KLHL29: variants seen among roughly 807,000 people sequenced by gnomAD.
The protein encoded by KLHL29 is kelch-like protein 29.
In KLHL29, 21 loss-of-function variants were observed where a neutral mutation model predicts 80.4. The ratio of observed to expected loss-of-function variants is 0.26; its 90% confidence interval spans 0.19 to 0.38. The LOEUF (loss-of-function observed/expected upper bound fraction) is 0.38, where lower values mean the gene tolerates loss of function less well. KLHL29 is among the 10% of genes least tolerant of loss of function. The probability of loss-of-function intolerance (pLI) is 1.00; values close to 1 mark genes in which losing one functional copy is unlikely to be tolerated. For missense variants in KLHL29, 867 were observed against 1,223.9 expected (o/e 0.71, Z 4.35); for synonymous variants, 511 against 526.8 (o/e 0.97, Z 0.41).
At chr2:23,423,245 C>T (rs1037693753) in intron 1 of KLHL29, among the ~76,000 whole-genome samples, 1 of 152,240 alleles carries the variant, frequency 6.6e-6, no homozygotes, top group Non-Finnish European at 1.5e-5. Flanking sequence ...CTGTCCAGGG[C>T]CGGGCTCTGC....
At chr2:23,491,494 G>C (rs1665101303) in intron 2 of KLHL29, among the ~76,000 whole-genome samples, 1 of 152,112 alleles carries the variant, frequency 6.6e-6, no homozygotes, top group South Asian at 2.1e-4. Context: ...GGGGGCTGAG[G>C]GGTATGAATC....
In KLHL29 at chr2:23,648,644, C is replaced by T. The variant is rs562986298; in HGVS notation, c.940+5794C>T. 1.8e-3 allele frequency among the ~76,000 whole-genome samples: 276 copies of T among 152,278 alleles called. 1 individual carries two copies. Among genetic ancestry groups the T allele is most frequent in the Non-Finnish European group, 3.4e-3 (234 of 68,024 alleles). ...CTCCCCTCAGGGGCTTTCAGTATCCCGTGGCATTCAGCTGGATAATCAGGG... is the reference window on the plus strand; with the variant it reads ...CTCCCCTCAGGGGCTTTCAGTATCCTGTGGCATTCAGCTGGATAATCAGGG... On this transcript the variant is annotated intron_variant, in intron 5 of 13. Coordinates refer to ENST00000486442, the MANE Select transcript of KLHL29 (RefSeq NM_052920.2).
intron 2 of KLHL29, among the ~76,000 whole-genome samples, chr2:23,479,864 C>T (rs13404371): frequency 0.28 from 43,006 of 152,126 alleles, 7,330 homozygotes; most frequent in Non-Finnish European, 0.39. Flanking sequence ...TCTACAAGCC[C>T]GGCACAGGGC....
chr2:23,665,056 G>A (rs989231459), intron 5 of KLHL29, among the ~76,000 whole-genome samples: 62 of 152,226 alleles, frequency 4.1e-4, no homozygotes, highest in Non-Finnish European at 1.3e-4. Context: ...GTGGTGACTC[G>A]GGTGGCTGGT....
chr2:23,554,091 C>G (rs763467087), intron 2 of KLHL29, among the ~76,000 whole-genome samples: 1 of 152,192 alleles, frequency 6.6e-6, no homozygotes, highest in Non-Finnish European at 1.5e-5. Flanking sequence ...GCTGGAGCAG[C>G]CCCAGGAGGC....
At chr2:23,538,769 TCTC>T (rs1666750328) in intron 2 of KLHL29, among the ~76,000 whole-genome samples, 1 of 152,186 alleles carries the variant, frequency 6.6e-6, no homozygotes, top group Non-Finnish European at 1.5e-5. Context: ...TTCCACCAGT[TCTC>T]ACTGATCTGG....
At chr2:23,522,738 G>T (rs1429989478) in intron 2 of KLHL29, among the ~76,000 whole-genome samples, 1 of 152,094 alleles carries the variant, frequency 6.6e-6, no homozygotes, top group Non-Finnish European at 1.5e-5. Context: ...CAAGCCCTGA[G>T]TCTGGACCCC....
At chr2:23,551,561 G>A (rs1164132133) in intron 2 of KLHL29, among the ~76,000 whole-genome samples, 1 of 152,210 alleles carries the variant, frequency 6.6e-6, no homozygotes, top group African/African-American at 2.4e-5. Context: ...TTAACCACCA[G>A]AAAAGCATTT....
At chr2:23,673,549 C>T (rs185177526) in intron 5 of KLHL29, among the ~76,000 whole-genome samples, 5 of 151,974 alleles carry the variant, frequency 3.3e-5, no homozygotes, top group East Asian at 1.9e-4. Flanking sequence ...CACATACACA[C>T]GCCCATGCCA....
At chr2:23,591,175 G>A (rs968989253) in intron 3 of KLHL29, among the ~76,000 whole-genome samples, 1 of 152,230 alleles carries the variant, frequency 6.6e-6, no homozygotes, top group Non-Finnish European at 1.5e-5. Flanking sequence ...ATCTGGACAA[G>A]CATGTTGAGG....
chr2:23,647,434 G>T lies in KLHL29; in HGVS notation c.940+4584G>T, dbSNP rs577267681. Among the ~76,000 whole-genome samples, 6 of 152,144 alleles carry T rather than the reference G, an allele frequency of 3.9e-5. No homozygotes were observed. Among genetic ancestry groups the T allele is most frequent in the Non-Finnish European group, 8.8e-5 (6 of 68,030 alleles). On this transcript the variant is annotated intron_variant, in intron 5 of 13. Transcript: ENST00000486442. This position sits in a 1 kb window ranked among gnomAD's most constrained non-coding sequence, Gnocchi z 4.9. The stretch of plus-strand genomic sequence containing the variant: ...AAATGCCAACATGAATTCATTCAGG[G>T]TTCAGACTCAAGGCCTGCGTTGTCT...
intron 2 of KLHL29, among the ~76,000 whole-genome samples, chr2:23,480,360 G>A (rs934028309): frequency 1.3e-5 from 2 of 152,132 alleles, no homozygotes; most frequent in Non-Finnish European, 2.9e-5. Context: ...GGTGACACAC[G>A]CCTATAGTCC....
At chr2:23,611,181 C>G (rs1328643800) in intron 3 of KLHL29, among the ~76,000 whole-genome samples, 1 of 152,188 alleles carries the variant, frequency 6.6e-6, no homozygotes, top group Non-Finnish European at 1.5e-5. Context: ...ACACGGTGAG[C>G]TGCTATTCGA....
intron 5 of KLHL29, among the ~76,000 whole-genome samples, chr2:23,648,455 C>T (rs1045737679): frequency 6.6e-6 from 1 of 151,838 alleles, no homozygotes; most frequent in African/African-American, 2.4e-5. Flanking sequence ...ACATTTGAAA[C>T]ACCTAGCTCC....
chr2:23,696,752 C>T lies in KLHL29; in HGVS notation c.2105+239C>T. ...AGTCGCTGAGATGGGAGATGGGGCG[C>T]TTCTGTCCCGACAACCCATTTAGGT... On this transcript the variant is annotated intron_variant, in intron 11 of 13. Transcript: ENST00000486442. This position sits in a 1 kb window ranked among gnomAD's most constrained non-coding sequence, Gnocchi z 5.5. The T allele has an allele frequency of 2.1e-6, 1 of 465,988 alleles. No individual in the cohort carries two copies. Among genetic ancestry groups the T allele is most frequent in the South Asian group, 3.0e-5 (1 of 33,468 alleles). The allele number at this position is 465,988 out of a possible 1,614,324, so 28.9% of individuals were successfully genotyped here.
intron 2 of KLHL29, among the ~76,000 whole-genome samples, chr2:23,537,041 T>C (rs1666690405): frequency 6.6e-6 from 1 of 152,148 alleles, no homozygotes; most frequent in Non-Finnish European, 1.5e-5. Flanking sequence ...TCCCTGTTCT[T>C]GGCAGAAACT....
intron 3 of KLHL29, among the ~76,000 whole-genome samples, chr2:23,608,886 AACT>A (rs1035454966): frequency 2.6e-5 from 4 of 152,226 alleles, no homozygotes; most frequent in South Asian, 2.1e-4. Flanking sequence ...ATAATAATAA[AACT>A]ACTGTGTGAT....
At chr2:23,678,371 A>T (rs923813132) in intron 5 of KLHL29, among the ~76,000 whole-genome samples, 4 of 152,178 alleles carry the variant, frequency 2.6e-5, no homozygotes, top group African/African-American at 9.7e-5. Flanking sequence ...TGAGAACTGA[A>T]TGGGAGCTAT....
chr2:23,534,572 C>G (rs921308362), intron 2 of KLHL29, among the ~76,000 whole-genome samples: 1 of 151,948 alleles, frequency 6.6e-6, no homozygotes, highest in African/African-American at 2.4e-5. Flanking sequence ...ACTTCTGTTC[C>G]AGCCCAAGTT....
Sources: gnomAD v4.1 joint callset for allele counts (sites outside exome capture counted in the v4.1 genomes callset) on GRCh38, gnomAD v4.1.1 for gene constraint, Gnocchi (gnomAD v3.1) non-coding constraint, MANE v1.5 for transcripts, NCBI Gene and HGNC (gene_info 2026-07-23, HGNC 2026-07-21) for gene names.